The following AMTN variants were observed in gnomAD, a reference collection of about 807,000 sequenced individuals.
The protein encoded by AMTN is RSTI689.
In AMTN, 29 loss-of-function variants were observed where a neutral mutation model predicts 27.4. The ratio of observed to expected loss-of-function variants is 1.06; its 90% CI spans 0.79 to 1.44. The LOEUF (loss-of-function observed/expected upper bound fraction) is 1.44, where lower values mean the gene tolerates loss of function less well. Ranked by LOEUF, AMTN falls within the 40% of genes most tolerant of loss-of-function variation. AMTN has a pLI of 0.00. For synonymous variants in AMTN, 86 were observed against 95.7 expected (o/e 0.90, Z 0.59); for missense variants, 247 against 248.8 (o/e 0.99, Z 0.05).
intron 5 of AMTN, among the ~76,000 whole-genome samples, chr4:70,527,956 T>A (rs535433740): frequency 1.1e-4 from 17 of 152,332 alleles, no homozygotes; most frequent in African/African-American, 4.1e-4. Flanking sequence ...TTCCCTATAA[T>A]TGCTTTATTT....
At chr4:70,523,782 G>A in intron 3 of AMTN, 86 bp from the exon 4 acceptor site, 1 of 1,203,800 alleles carries the variant, frequency 8.3e-7, no homozygotes, top group Non-Finnish European at 1.2e-6. Context: ...TGACAGGACT[G>A]TCAATTACAT....
At position 70,525,760 on chromosome 4, in the gene AMTN, C is replaced by A. The variant is rs111549441; in HGVS notation, c.294+799C>A. 3.4e-3 allele frequency among the ~76,000 whole-genome samples: 524 copies of A among 151,986 alleles called. 2 individuals carry two copies. Among genetic ancestry groups the A allele is most frequent in the African/African-American group, 0.012 (508 of 41,444 alleles). ...AAATAAAATAAAATAAATAGCCAGGCGTGGTGGGGCTCACCTATAGTCCCA... is the reference window on the plus strand; with the variant it reads ...AAATAAAATAAAATAAATAGCCAGGAGTGGTGGGGCTCACCTATAGTCCCA... On this transcript the variant is annotated intron_variant, in intron 5 of 8. Coordinates refer to ENST00000339336, the MANE Select transcript of AMTN (RefSeq NM_212557.4).
chr4:70,523,784 C>T (rs1027943144), intron 3 of AMTN, 84 bp from the exon 4 acceptor site: 39 of 1,215,072 alleles, frequency 3.2e-5, no homozygotes, highest in East Asian at 1.4e-4. Context: ...ACAGGACTGT[C>T]AATTACATGA....
At chr4:70,527,713 C>T (rs76895248) in intron 5 of AMTN, among the ~76,000 whole-genome samples, 4,994 of 152,234 alleles carry the variant, frequency 0.033, 245 homozygotes, top group African/African-American at 0.1. Flanking sequence ...TTTCCTGACA[C>T]TTTGAATTTT....
intron 8 of AMTN, 80 bp from the exon 9 acceptor site, chr4:70,532,375 A>C: frequency 8.4e-7 from 1 of 1,188,608 alleles, no homozygotes; most frequent in Non-Finnish European, 1.2e-6. Flanking sequence ...CCTGCAAAAG[A>C]AACTTGGATC....
chr4:70,519,189 T>C (rs1735893159), intron 2 of AMTN, among the ~76,000 whole-genome samples: 1 of 152,174 alleles, frequency 6.6e-6, no homozygotes, highest in Non-Finnish European at 1.5e-5. Flanking sequence ...AATAAAGAGG[T>C]GAACTATATT....
chr4:70,524,359 C>T (rs909983196), intron 4 of AMTN, among the ~76,000 whole-genome samples: 1 of 152,230 alleles, frequency 6.6e-6, no homozygotes, highest in African/African-American at 2.4e-5. Flanking sequence ...TCAGCCCTCT[C>T]ATAGAATATC....
At chr4:70,530,336 T>G (rs905100885) in intron 7 of AMTN, among the ~76,000 whole-genome samples, 3 of 152,162 alleles carry the variant, frequency 2.0e-5, no homozygotes, top group Admixed American at 2.0e-4. Flanking sequence ...ACACTCACCT[T>G]TTTTACTTCA....
intron 2 of AMTN, among the ~76,000 whole-genome samples, chr4:70,519,173 C>T (rs1735891074): frequency 6.6e-6 from 1 of 152,068 alleles, no homozygotes; most frequent in South Asian, 2.1e-4. Flanking sequence ...TAGTTATTTG[C>T]TCATGAATAA....
In AMTN at chr4:70,523,915, G is replaced by C. The variant is rs746750412; in HGVS notation, c.186G>C (p.Leu62=). Residue 62 remains leucine (L), a synonymous_variant, in exon 4 of 9, where the codon CTG becomes CTC. Coordinates refer to ENST00000339336, the MANE Select transcript of AMTN (RefSeq NM_212557.4). ...TACCATTAACACAGATGCTCACACTGGGGCCAGATCTGCATCTGGTAAGTG... is the reference window on the plus strand; with the variant it reads ...TACCATTAACACAGATGCTCACACTCGGGCCAGATCTGCATCTGGTAAGTG... ...SLIPLTQMLT[L]GPDLHLLNPA... The C allele has an allele frequency of 6.2e-7, 1 of 1,613,522 alleles. No individual in the cohort carries two copies. Among genetic ancestry groups the C allele is most frequent in the East Asian group, 2.2e-5 (1 of 44,868 alleles).
chr4:70,521,640 CTTTTTTTTTTTTTTTTTTTTTTTT>C (rs763143860), intron 2 of AMTN, among the ~76,000 whole-genome samples: 1 of 76,468 alleles, frequency 1.3e-5, no homozygotes, highest in Non-Finnish European at 2.3e-5. Flanking sequence ...ACCAACCTCT[CTTTTTTTTTTTTTTTTTTTTTTTT>C]TTTTTTTTTT....
chr4:70,523,727 G>T, intron 3 of AMTN, 141 bp from the exon 4 acceptor site: 1 of 690,630 alleles, frequency 1.4e-6, no homozygotes. Context: ...CTAGTGAGAG[G>T]CCCCGAGGCT....
chr4:70,524,957 CA>C lies in AMTN; in HGVS notation c.291del (p.His98MetfsTer17), dbSNP rs1736069658. 3 of 1,613,618 alleles carry C rather than the reference CA, an allele frequency of 1.9e-6. No individual in the cohort carries two copies. The South Asian group carries it at 3.3e-5, about 18-fold the overall frequency. Reference sequence around the variant, plus strand: ...TTGAATGTACAACAGCAACTGCACCCACATGTAAGTTGAACAGCTGGACCTT... The same window carrying C: ...TTGAATGTACAACAGCAACTGCACCCCATGTAAGTTGAACAGCTGGACCTT... ...GGLNVQQQLH[P>X]HVLPIFVTQL... is the part of the protein sequence containing the mutation. On this transcript the variant is annotated frameshift_variant, in exon 5 of 9. Coordinates refer to ENST00000339336, the MANE Select transcript of AMTN (RefSeq NM_212557.4). LOFTEE classifies it high-confidence loss of function.
intron 5 of AMTN, among the ~76,000 whole-genome samples, chr4:70,526,989 A>C (rs1430258797): frequency 6.6e-6 from 1 of 152,188 alleles, no homozygotes. Flanking sequence ...GGTGGCTCGC[A>C]TTTATCAAAG....
chr4:70,519,443 TTGAC>T (rs1454123852), intron 2 of AMTN, among the ~76,000 whole-genome samples: 6 of 152,182 alleles, frequency 3.9e-5, no homozygotes, highest in African/African-American at 1.2e-4. Context: ...GGACTTCTCT[TTGAC>T]TGTTCAAGAT....
intron 7 of AMTN, among the ~76,000 whole-genome samples, chr4:70,529,923 T>G (rs1268164133): frequency 2.0e-5 from 3 of 152,220 alleles, no homozygotes; most frequent in South Asian, 2.1e-4. Flanking sequence ...TTGCCAACAT[T>G]GATGCATGAA....
chr4:70,527,832 T>C (rs1229321465), intron 5 of AMTN, among the ~76,000 whole-genome samples: 1 of 152,186 alleles, frequency 6.6e-6, no homozygotes, highest in African/African-American at 2.4e-5. Flanking sequence ...ACTCGAATCT[T>C]TTTCATCTTT....
intron 6 of AMTN, 45 bp from the exon 7 acceptor site, chr4:70,529,139 C>G: frequency 6.8e-7 from 1 of 1,475,120 alleles, no homozygotes; most frequent in Non-Finnish European, 9.1e-7. Flanking sequence ...ACTACAAATA[C>G]ATTAAAATGT....
chr4:70,530,203 C>G (rs150333364), intron 7 of AMTN, among the ~76,000 whole-genome samples: 1 of 143,802 alleles, frequency 7.0e-6, no homozygotes, highest in Non-Finnish European at 1.5e-5. Context: ...ATAGCAACTA[C>G]ATTTTTCATG....
Sources: gnomAD v4.1 joint callset for allele counts (sites outside exome capture counted in the v4.1 genomes callset) on GRCh38, gnomAD v4.1.1 for gene constraint, MANE v1.5 for transcripts, NCBI Gene and HGNC (gene_info 2026-07-23, HGNC 2026-07-21) for gene names.